The following RGS5 variants were observed in gnomAD, a reference collection of about 807,000 sequenced individuals.
The protein encoded by RGS5 is regulator of G protein signaling 5.
A neutral mutation model predicts 18.9 loss-of-function variants in RGS5; 20 were observed. The observed-to-expected ratio is 1.06, with a 90% CI of 0.74 to 1.54. The LOEUF (loss-of-function observed/expected upper bound fraction) is 1.54, where lower values mean the gene tolerates loss of function less well. RGS5 is among the 40% of genes most tolerant of loss of function. The pLI is 0.00. For synonymous variants in RGS5, 57 were observed against 76.2 expected (o/e 0.75, Z 1.31); for missense variants, 201 against 211.8 (o/e 0.95, Z 0.32).
chr1:163,162,082 C>T, intron 2 of RGS5, 106 bp from the exon 3 acceptor site: 1 of 798,602 alleles, frequency 1.3e-6, no homozygotes, highest in Non-Finnish European at 2.2e-6. Context: ...AATGATATGA[C>T]TGCTGGTCTA....
chr1:163,297,993 T>C (rs1330557973), intron 2 of RGS5, among the ~76,000 whole-genome samples: 2 of 152,150 alleles, frequency 1.3e-5, no homozygotes, highest in South Asian at 2.1e-4. Context: ...TGAAAACTGT[T>C]GACTTGTTTC....
chr1:163,163,053 G>T (rs962015188), intron 2 of RGS5, among the ~76,000 whole-genome samples: 7 of 149,394 alleles, frequency 4.7e-5, no homozygotes, highest in African/African-American at 1.5e-4. Context: ...GGGGGGGGTG[G>T]TTAATTATTC....
intron 2 of RGS5, 110 bp downstream of exon 2, chr1:163,168,148 C>T (rs1396000255): frequency 1.3e-6 from 1 of 776,640 alleles, no homozygotes; most frequent in Non-Finnish European, 2.1e-6. Context: ...CTCTTATGAT[C>T]CTTAATGAGT....
rs143324899 is a variant in RGS5, at chr1:163,256,730, T to C, written c.-281+49503A>G. 4.1e-3 allele frequency among the ~76,000 whole-genome samples: 619 copies of C among 152,268 alleles called. 2 individuals are homozygous for C. The highest frequency in any genetic ancestry group is 0.014 in the African/African-American group (574 of 41,552). On this transcript the variant is annotated intron_variant, in intron 2 of 5. Coordinates refer to the RGS5 transcript ENST00000618415. ...TACAGAGAGAAGAGAAGGATAAATG[T>C]AGTACTCAGCCAAAGAATGCTGATA...
intron 2 of RGS5, among the ~76,000 whole-genome samples, chr1:163,163,771 T>C (rs548048887): frequency 6.6e-6 from 1 of 152,286 alleles, no homozygotes; most frequent in South Asian, 2.1e-4. Context: ...CAGCAGGACA[T>C]TAAATTATTA....
At chr1:163,276,851 C>T (rs1648869849) in intron 2 of RGS5, among the ~76,000 whole-genome samples, 1 of 152,162 alleles carries the variant, frequency 6.6e-6, no homozygotes, top group African/African-American at 2.4e-5. Flanking sequence ...AATAAAATTC[C>T]AGCCTTTTGA....
At position 163,142,848 on chromosome 1, in the gene RGS5, A is replaced by G. The variant is rs1656976445; in HGVS notation, c.*4494T>C. The G allele has an allele frequency of 6.6e-6, 1 of 152,234 alleles. No homozygotes were observed. The highest frequency in any genetic ancestry group is 2.4e-5 in the African/African-American group (1 of 41,452). 9.4% of individuals were successfully genotyped at this position (152,234 alleles called of 1,614,324 possible). A position where few individuals can be genotyped will look rare whatever the true frequency, so the allele number is the denominator to read the frequency against. On this transcript the variant is annotated 3_prime_UTR_variant, in exon 5 of 5. Transcript: ENST00000313961. ...AAAAAAATACCTCAGGTGAGAGAACAAGTAACTTGCAAGAGGCTTATTAAA... is the reference window on the plus strand; with the variant it reads ...AAAAAAATACCTCAGGTGAGAGAACGAGTAACTTGCAAGAGGCTTATTAAA...
intron 3 of RGS5, among the ~76,000 whole-genome samples, chr1:163,159,081 C>T (rs1286636642): frequency 4.6e-5 from 7 of 152,208 alleles, no homozygotes; most frequent in African/African-American, 1.7e-4. Context: ...GGCTCACCGG[C>T]AGTCAGAGTT....
At chr1:163,227,351 G>T (rs536737913) in intron 2 of RGS5, among the ~76,000 whole-genome samples, 18 of 152,256 alleles carry the variant, frequency 1.2e-4, no homozygotes, top group African/African-American at 4.3e-4. Flanking sequence ...ATGGCATAAG[G>T]CACCTCTTCA....
intron 1 of RGS5, among the ~76,000 whole-genome samples, chr1:163,311,586 C>T (rs1649864898): frequency 6.6e-6 from 1 of 152,116 alleles, no homozygotes; most frequent in Admixed American, 6.5e-5. Flanking sequence ...TCAAATATTG[C>T]TGTGTCTCAG....
At chr1:163,263,281 C>G (rs1372155978) in intron 2 of RGS5, among the ~76,000 whole-genome samples, 3 of 152,168 alleles carry the variant, frequency 2.0e-5, no homozygotes, top group Non-Finnish European at 2.9e-5. Flanking sequence ...TTTCCTGAGT[C>G]TTCCAAATAT....
chr1:163,223,266 A>C (rs1461303639), intron 2 of RGS5, among the ~76,000 whole-genome samples: 3 of 152,166 alleles, frequency 2.0e-5, no homozygotes, highest in African/African-American at 7.2e-5. Flanking sequence ...ATATGTGATA[A>C]AGCATTGCCA....
intron 2 of RGS5, among the ~76,000 whole-genome samples, chr1:163,290,046 A>C (rs1261152113): frequency 6.6e-6 from 1 of 151,006 alleles, no homozygotes. Context: ...AGGCAACATG[A>C]GACCCCTATC....
At chr1:163,284,323 C>A (rs967453313) in intron 2 of RGS5, among the ~76,000 whole-genome samples, 3 of 152,150 alleles carry the variant, frequency 2.0e-5, no homozygotes, top group African/African-American at 7.2e-5. Flanking sequence ...CTATTTGATT[C>A]TTTTTCATAG....
intron 2 of RGS5, among the ~76,000 whole-genome samples, chr1:163,259,167 T>G (rs1053152777): frequency 1.4e-4 from 22 of 151,914 alleles, no homozygotes; most frequent in African/African-American, 5.3e-4. Context: ...GTATTTTTTT[T>G]TTAAGACAGA....
chr1:163,166,242 G>A (rs896341052), intron 2 of RGS5, among the ~76,000 whole-genome samples: 6 of 129,112 alleles, frequency 4.6e-5, no homozygotes, highest in African/African-American at 1.8e-4. Flanking sequence ...TGTCTTTAGG[G>A]GGTAGGAATA....
chr1:163,205,345 T>TAAAAAAAAAAA (rs35747068), upstream of RGS5, among the ~76,000 whole-genome samples: 6 of 72,708 alleles, frequency 8.3e-5, no homozygotes, highest in African/African-American at 1.6e-4. Context: ...TTAACCACAG[T>TAAAAAAAAAAA]AAAAAAAAAA....
chr1:163,159,999 A>G (rs1323904953), intron 3 of RGS5, among the ~76,000 whole-genome samples: 1 of 152,160 alleles, frequency 6.6e-6, no homozygotes, highest in Non-Finnish European at 1.5e-5. Flanking sequence ...TCTCAACACG[A>G]TGGTAATCAT....
chr1:163,289,467 G>A (rs115361233), intron 2 of RGS5, among the ~76,000 whole-genome samples: 295 of 152,154 alleles, frequency 1.9e-3, no homozygotes, highest in African/African-American at 6.9e-3. Context: ...TAATGAGACA[G>A]TAAGATCAAA....
Sources: allele counts gnomAD v4.1 joint callset (sites outside exome capture counted in the v4.1 genomes callset), GRCh38; gene constraint gnomAD v4.1.1; transcripts MANE v1.5; gene names NCBI Gene and HGNC (gene_info 2026-07-23, HGNC 2026-07-21).